Variants in GPSM2 observed in about 807,000 individuals in gnomAD.
GPSM2 encodes G protein-signaling modulator 2.
A neutral mutation model predicts 78.4 loss-of-function variants in GPSM2; 58 were observed. That is an observed-to-expected ratio of 0.74 (90% CI 0.60 to 0.92). GPSM2 has a LOEUF of 0.92. GPSM2 is among the 40% of genes least tolerant of loss of function. GPSM2 has a pLI of 0.00. For missense variants in GPSM2, 700 were observed against 815.5 expected (o/e 0.86, Z 1.73); for synonymous variants, 224 against 280.2 (o/e 0.80, Z 2.00).
At chr1:108,911,567 A>C (rs913184541) in intron 10 of GPSM2, among the ~76,000 whole-genome samples, 20 of 152,184 alleles carry the variant, frequency 1.3e-4, no homozygotes, top group Admixed American at 1.3e-3. Flanking sequence ...AAACCAAAGT[A>C]AATGAAGAAG....
chr1:108,879,648 C>T (rs747476123), intron 1 of GPSM2, among the ~76,000 whole-genome samples: 38 of 152,158 alleles, frequency 2.5e-4, no homozygotes, highest in African/African-American at 6.5e-4. Flanking sequence ...GCCTGACCAA[C>T]GTGGTGAAAC....
intron 10 of GPSM2, among the ~76,000 whole-genome samples, chr1:108,909,045 GGGA>G (rs1649496853): frequency 6.6e-6 from 1 of 152,094 alleles, no homozygotes; most frequent in African/African-American, 2.4e-5. Context: ...AAGCTGAGGT[GGGA>G]GGATCACTTG....
chr1:108,878,601 T>C (rs1665744282), intron 1 of GPSM2, among the ~76,000 whole-genome samples: 1 of 152,218 alleles, frequency 6.6e-6, no homozygotes, highest in Non-Finnish European at 1.5e-5. Context: ...ATAAAATATT[T>C]CTAAGATCTA....
chr1:108,893,261 G>C (rs1169240727), intron 2 of GPSM2, among the ~76,000 whole-genome samples: 1 of 152,110 alleles, frequency 6.6e-6, no homozygotes, highest in African/African-American at 2.4e-5. Context: ...TTATACTTCC[G>C]ATTTTTAAAT....
intron 10 of GPSM2, among the ~76,000 whole-genome samples, chr1:108,907,419 G>T (rs770734887): frequency 6.6e-6 from 1 of 152,144 alleles, no homozygotes; most frequent in Non-Finnish European, 1.5e-5. Context: ...TGGGGGAAAG[G>T]CATCCTTGAT....
Position 108,930,349 on chromosome 1 carries a change from AAAT to A in GPSM2, c.*413_*415del, listed in dbSNP as rs1651719751. On this transcript the variant is annotated 3_prime_UTR_variant, in exon 15 of 15. Transcript: ENST00000264126. ...AGTGGGAAACAATGTTGTTTGGTAA[AAAT>A]AATGTACTTGATCAATGTAAAAAAG... The A allele has an allele frequency of 1.2e-5, 2 of 163,138 alleles. No individual in the cohort carries two copies. Among genetic ancestry groups the A allele is most frequent in the South Asian group, 3.5e-4 (2 of 5,724 alleles). 10.1% of individuals were successfully genotyped at this position (163,138 alleles called of 1,614,324 possible).
At position 108,898,934 on chromosome 1, in the gene GPSM2, G is replaced by C. The variant is rs1648580834; in HGVS notation, c.737G>C (p.Ser246Thr). Residue 246 changes from serine to threonine, a missense_variant, in exon 7 of 15, where the codon AGC becomes ACC. Ser to Thr is a moderately conservative substitution (Grantham distance 58, BLOSUM62 1). Coordinates refer to ENST00000264126, the MANE Select transcript of GPSM2 (RefSeq NM_013296.5). ...GDKAAERRAYSNLGNAYIFLG... is the reference protein window; with the variant it reads ...GDKAAERRAYTNLGNAYIFLG... ...AAAGCAGCTGAAAGAAGAGCATATA[G>C]CAACCTTGGAAATGCATATATATTT... 1 of 1,613,138 alleles carries C rather than the reference G, an allele frequency of 6.2e-7. No homozygotes were observed. Among genetic ancestry groups the C allele is most frequent in the Non-Finnish European group, 8.5e-7 (1 of 1,179,268 alleles).
At chr1:108,885,639 C>T (rs1446932675) in intron 2 of GPSM2, 61 bp downstream of exon 2, 4 of 955,284 alleles carry the variant, frequency 4.2e-6, no homozygotes, top group Admixed American at 1.7e-5. Flanking sequence ...GTTTTTAACT[C>T]TGATGACCAT....
At chr1:108,922,614 C>T (rs1305012202) in intron 13 of GPSM2, 38 bp downstream of exon 13, 3 of 1,485,470 alleles carry the variant, frequency 2.0e-6, no homozygotes, top group Admixed American at 1.7e-5. Flanking sequence ...TTTAATAGTT[C>T]TCTTTGATAT....
At chr1:108,900,930 G>T (rs1281445341) in intron 7 of GPSM2, among the ~76,000 whole-genome samples, 1 of 152,132 alleles carries the variant, frequency 6.6e-6, no homozygotes, top group African/African-American at 2.4e-5. Context: ...TATACTATTT[G>T]ACAGAAATAA....
Position 108,896,907 on chromosome 1 carries a change from CTA to C in GPSM2, c.102_103del (p.Cys35Ter), listed in dbSNP as rs778582423. 6.2e-7 allele frequency: 1 copy of C among 1,614,018 alleles called. No individual in the cohort carries two copies. Among genetic ancestry groups the C allele is most frequent in the African/African-American group, 1.3e-5 (1 of 74,934 alleles). The stretch of plus-strand genomic sequence containing the variant: ...AGAGCTGGCCTTGGAAGGGGAACGT[CTA>C]TGTAAATCAGGAGACTGCCGCGCTG... ...CLELALEGER[L>X]CKSGDCRAGV... On this transcript the variant is annotated frameshift_variant, in exon 3 of 15. Transcript: ENST00000264126. LOFTEE classifies it high-confidence loss of function.
At chr1:108,920,651 G>A (rs1048607380) in intron 12 of GPSM2, among the ~76,000 whole-genome samples, 47 of 151,814 alleles carry the variant, frequency 3.1e-4, no homozygotes, top group Admixed American at 2.8e-3. Context: ...AGAATGCCTC[G>A]ATTTTTATCA....
intron 1 of GPSM2, among the ~76,000 whole-genome samples, chr1:108,882,296 T>C (rs1165254648): frequency 6.6e-6 from 1 of 152,192 alleles, no homozygotes; most frequent in Non-Finnish European, 1.5e-5. Flanking sequence ...GGGAATTGGT[T>C]CCAGGACCCC....
At chr1:108,882,485 C>G (rs1647206649) in intron 1 of GPSM2, 1 of 151,986 alleles carries the variant, frequency 6.6e-6, no homozygotes, top group South Asian at 2.1e-4. Context: ...GGGAACAATG[C>G]CAAGGAAAAA....
intron 10 of GPSM2, among the ~76,000 whole-genome samples, chr1:108,904,846 A>G (rs929741321): frequency 2.6e-5 from 4 of 152,078 alleles, no homozygotes; most frequent in African/African-American, 9.7e-5. Flanking sequence ...ATTTGCTATA[A>G]TGTCTCTTTT....
At chr1:108,903,911 G>A (rs1487946413) in intron 9 of GPSM2, among the ~76,000 whole-genome samples, 1 of 152,086 alleles carries the variant, frequency 6.6e-6, no homozygotes, top group East Asian at 1.9e-4. Context: ...CTGTCCTATT[G>A]TGATATTTTA....
chr1:108,924,246 C>T (rs1650964696), intron 14 of GPSM2, 32 bp downstream of exon 14: 4 of 1,282,096 alleles, frequency 3.1e-6, no homozygotes, highest in Non-Finnish European at 4.5e-6. Flanking sequence ...GTTCTGCATA[C>T]AGCTCAGATA....
At position 108,934,023 on chromosome 1, in the gene GPSM2, A is replaced by G. The variant is rs923989681; in HGVS notation, c.*4083A>G. 2 of 152,268 alleles carry G rather than the reference A, an allele frequency of 1.3e-5. No homozygotes were observed. Among genetic ancestry groups the G allele is most frequent in the Non-Finnish European group, 2.9e-5 (2 of 68,070 alleles). 9.4% of individuals were successfully genotyped at this position (152,268 alleles called of 1,614,324 possible). On this transcript the variant is annotated 3_prime_UTR_variant, in exon 15 of 15. Transcript: ENST00000264126. The stretch of plus-strand genomic sequence containing the variant: ...TCATTTTCAGTCGACTGACTCTGTA[A>G]AACAGATTACCAATATAACAAGCTA...
intron 9 of GPSM2, among the ~76,000 whole-genome samples, chr1:108,903,836 A>G (rs765182794): frequency 3.3e-5 from 5 of 152,208 alleles, no homozygotes; most frequent in African/African-American, 4.8e-5. Flanking sequence ...ATTACTTAGT[A>G]TGATTCCAGA....
Sources: gnomAD v4.1 joint callset for allele counts (sites outside exome capture counted in the v4.1 genomes callset) on GRCh38, gnomAD v4.1.1 for gene constraint, MANE v1.5 for transcripts, NCBI Gene and HGNC (gene_info 2026-07-23, HGNC 2026-07-21) for gene names.